Variants in GRK5 observed in about 807,000 individuals in gnomAD.
The protein encoded by GRK5 is g protein-coupled receptor kinase GRK5.
In GRK5, 40 loss-of-function variants were observed where a neutral mutation model predicts 78.4. The ratio of observed to expected loss-of-function variants is 0.51; its 90% CI spans 0.40 to 0.66. The LOEUF is 0.66. Ranked by LOEUF, GRK5 falls within the 30% of genes least tolerant of loss-of-function variation. The pLI is 0.00. For missense variants in GRK5, 598 were observed against 759.9 expected (o/e 0.79, Z 2.50); for synonymous variants, 289 against 296.8 (o/e 0.97, Z 0.27).
At chr10:119,313,308 ATGG>A (rs1368111574) in intron 1 of GRK5, among the ~76,000 whole-genome samples, 2 of 144,978 alleles carry the variant, frequency 1.4e-5, no homozygotes, top group African/African-American at 2.6e-5. Flanking sequence ...GGTGGTGATG[ATGG>A]TGGTGGCAAT....
rs140183660 is a variant in GRK5, at chr10:119,267,314, T to G, written c.53-59202T>G. 6.6e-6 allele frequency among the ~76,000 whole-genome samples: 1 copy of G among 152,306 alleles called. No homozygotes were observed. Among genetic ancestry groups the G allele is most frequent in the Non-Finnish European group, 1.5e-5 (1 of 68,008 alleles). On this transcript the variant is annotated intron_variant, in intron 1 of 15. Transcript: ENST00000392870. The surrounding 1 kb of genome is among the most constrained non-coding windows in gnomAD (Gnocchi z 4.1). ...CCCAGGCTGGTCTCAAACTCCCTGC[T>G]TTAAGCGATCTTCCCACCTTGGCCT... is the stretch of plus-strand genomic sequence containing the variant.
At chr10:119,421,360 G>A (rs1408346242) in intron 4 of GRK5, among the ~76,000 whole-genome samples, 1 of 152,220 alleles carries the variant, frequency 6.6e-6, no homozygotes, top group African/African-American at 2.4e-5. Context: ...CAAGCCCCCA[G>A]TTGTCGACTC....
chr10:119,217,123 G>A lies in GRK5; in HGVS notation c.52+9154G>A, dbSNP rs1848588039. Among the ~76,000 whole-genome samples the A allele has an allele frequency of 6.6e-6, 1 of 152,134 alleles. No individual in the cohort carries two copies. The highest frequency in any genetic ancestry group is 1.5e-5 in the Non-Finnish European group (1 of 68,028). On this transcript the variant is annotated intron_variant, in intron 1 of 15. Transcript: ENST00000392870. This position sits in a 1 kb window ranked among gnomAD's most constrained non-coding sequence, Gnocchi z 4.1. Reference sequence around the variant, plus strand: ...TGCCAAAACAACAAACTCTTCTCGAGATGGTAGGGTTTTTAAGTGTAAATA... The same window carrying A: ...TGCCAAAACAACAAACTCTTCTCGAAATGGTAGGGTTTTTAAGTGTAAATA...
chr10:119,259,556 C>G (rs1849339744), intron 1 of GRK5, among the ~76,000 whole-genome samples: 1 of 152,216 alleles, frequency 6.6e-6, no homozygotes, highest in African/African-American at 2.4e-5. Flanking sequence ...TTTAAGTCAT[C>G]TGGTAGGCAC....
At chr10:119,328,191 C>T (rs998811504) in intron 2 of GRK5, among the ~76,000 whole-genome samples, 4 of 152,166 alleles carry the variant, frequency 2.6e-5, no homozygotes, top group African/African-American at 9.7e-5. Context: ...CCGTGGATGC[C>T]GTGTGCACCC....
At chr10:119,401,910 A>G (rs979535348) in intron 4 of GRK5, among the ~76,000 whole-genome samples, 2 of 152,144 alleles carry the variant, frequency 1.3e-5, no homozygotes, top group African/African-American at 4.8e-5. Context: ...CTCCCAGCAA[A>G]GGTTCATTTC....
At chr10:119,330,173 A>G (rs554264998) in intron 2 of GRK5, 6 of 152,164 alleles carry the variant, frequency 3.9e-5, no homozygotes, top group Non-Finnish European at 5.9e-5. Context: ...TTTCTCCTTC[A>G]TGTAACCTAT....
intron 1 of GRK5, among the ~76,000 whole-genome samples, chr10:119,257,324 A>G (rs1849304859): frequency 6.6e-6 from 1 of 152,254 alleles, no homozygotes; most frequent in Non-Finnish European, 1.5e-5. Context: ...AATGGAAAAG[A>G]GAACATTCTC....
At chr10:119,226,075 C>G (rs539927927) in intron 1 of GRK5, among the ~76,000 whole-genome samples, 1 of 151,826 alleles carries the variant, frequency 6.6e-6, no homozygotes, top group African/African-American at 2.4e-5. Flanking sequence ...TCTCGATCTC[C>G]CGACCTCATG....
chr10:119,442,283 T>C (rs1476668865), intron 11 of GRK5, among the ~76,000 whole-genome samples, 195 bp downstream of exon 11: 1 of 152,176 alleles, frequency 6.6e-6, no homozygotes, highest in Non-Finnish European at 1.5e-5. Flanking sequence ...GCCCCAGATG[T>C]GATGACTGCT....
At chr10:119,213,286 G>A (rs150603977) in intron 1 of GRK5, 2,769 of 152,340 alleles carry the variant, frequency 0.018, 65 homozygotes, top group South Asian at 0.073. Context: ...CGAGGCAGGC[G>A]GATCACCTGA....
At position 119,430,532 on chromosome 10, in the gene GRK5, T is replaced by A; in HGVS notation, c.597+94T>A. The A allele has an allele frequency of 8.9e-7, 1 of 1,128,774 alleles. No individual in the cohort carries two copies. The highest frequency in any genetic ancestry group is 1.3e-6 in the Non-Finnish European group (1 of 774,820). The allele number at this position is 1,128,774 out of a possible 1,614,324, so 69.9% of individuals were successfully genotyped here. A position where few individuals can be genotyped will look rare whatever the true frequency, so the allele number is the denominator to read the frequency against. On this transcript the variant is annotated intron_variant, in intron 7 of 15. Coordinates refer to ENST00000392870, the MANE Select transcript of GRK5 (RefSeq NM_005308.3). This position sits in a 1 kb window ranked among gnomAD's most constrained non-coding sequence, Gnocchi z 4.5. ...TCAACCTAAAGGGTTGGCCCACGGG[T>A]CCCCCGGGGGCACCAGTGGCTCAAT...
chr10:119,396,922 C>A (rs1313355477), intron 4 of GRK5, 150 bp downstream of exon 4: 2 of 709,128 alleles, frequency 2.8e-6, no homozygotes, highest in Admixed American at 2.2e-5. Context: ...TTCCCATCCT[C>A]CCCCAGAGAG....
chr10:119,286,622 G>A (rs2133696628), intron 1 of GRK5, among the ~76,000 whole-genome samples: 1 of 152,364 alleles, frequency 6.6e-6, no homozygotes, highest in Non-Finnish European at 1.5e-5. Context: ...GGAAAAGGTT[G>A]TTCTGGAGTG....
At chr10:119,247,126 C>T (rs544748743) in intron 1 of GRK5, among the ~76,000 whole-genome samples, 2 of 152,260 alleles carry the variant, frequency 1.3e-5, no homozygotes, top group Non-Finnish European at 2.9e-5. Flanking sequence ...CGTCCTAGGG[C>T]GTCCAACTCC....
intron 1 of GRK5, among the ~76,000 whole-genome samples, chr10:119,284,825 C>T (rs1451688923): frequency 2.0e-5 from 3 of 152,228 alleles, no homozygotes; most frequent in Admixed American, 1.3e-4. Context: ...GCAAGGCTGC[C>T]GTCCTGGCAA....
At chr10:119,416,963 A>G (rs1245993654) in intron 4 of GRK5, among the ~76,000 whole-genome samples, 1 of 152,132 alleles carries the variant, frequency 6.6e-6, no homozygotes, top group Non-Finnish European at 1.5e-5. Context: ...GATTATAGTC[A>G]GTTGGTAATT....
chr10:119,220,622 G>C (rs758436132), intron 1 of GRK5, among the ~76,000 whole-genome samples: 201 of 152,002 alleles, frequency 1.3e-3, no homozygotes, highest in Non-Finnish European at 2.5e-3. Context: ...ATCACCTGAG[G>C]TCAGGAGTTT....
chr10:119,455,596 A>G lies in GRK5; in HGVS notation c.*529A>G. On this transcript the variant is annotated 3_prime_UTR_variant, in exon 16 of 16. Coordinates refer to ENST00000392870, the MANE Select transcript of GRK5 (RefSeq NM_005308.3). The stretch of plus-strand genomic sequence containing the variant: ...GAGCCTCAAATGAGAAAATGTCTTT[A>G]TTAAATGTAGAAAGTGATCCATACT... 1 of 297,052 alleles carries G rather than the reference A, an allele frequency of 3.4e-6. No homozygotes were observed. The allele number at this position is 297,052 out of a possible 1,614,324, so 18.4% of individuals were successfully genotyped here.
Sources: allele counts gnomAD v4.1 joint callset (sites outside exome capture counted in the v4.1 genomes callset), GRCh38; gene constraint gnomAD v4.1.1; non-coding constraint Gnocchi (gnomAD v3.1); transcripts MANE v1.5; gene names NCBI Gene and HGNC (gene_info 2026-07-23, HGNC 2026-07-21).